Variants in CA8 observed in about 807,000 individuals in gnomAD.
CA8 encodes the protein carbonic anhydrase-related protein.
In CA8, 22 loss-of-function variants were observed where a neutral mutation model predicts 41.4. That is an observed-to-expected ratio of 0.53 (90% CI 0.38 to 0.76). CA8 has a LOEUF of 0.76. Among genes scored for constraint, CA8 ranks in the 30% least tolerant of loss-of-function variants. The pLI is 0.00. For synonymous variants in CA8, 121 were observed against 130.6 expected (o/e 0.93, Z 0.50); for missense variants, 270 against 352.8 (o/e 0.77, Z 1.88).
At chr8:60,235,975 T>C (rs1563361259) in intron 3 of CA8, among the ~76,000 whole-genome samples, 1 of 152,194 alleles carries the variant, frequency 6.6e-6, no homozygotes, top group Non-Finnish European at 1.5e-5. Flanking sequence ...GCTAGGAGGA[T>C]ACCACAAAAG....
At chr8:60,277,561 G>A (rs547235624) in intron 2 of CA8, among the ~76,000 whole-genome samples, 1 of 152,056 alleles carries the variant, frequency 6.6e-6, no homozygotes, top group Non-Finnish European at 1.5e-5. Context: ...CACCATGTTG[G>A]TCAGGCTGGT....
chr8:60,254,418 T>C (rs1808553107), intron 3 of CA8, among the ~76,000 whole-genome samples: 1 of 152,198 alleles, frequency 6.6e-6, no homozygotes, highest in African/African-American at 2.4e-5. Context: ...TGTAGACCCC[T>C]TTAATATAGT....
At chr8:60,195,791 C>A (rs1209617433) in intron 8 of CA8, among the ~76,000 whole-genome samples, 1 of 152,078 alleles carries the variant, frequency 6.6e-6, no homozygotes, top group Non-Finnish European at 1.5e-5. Context: ...AAAATAAATG[C>A]CCTTCCATTA....
chr8:60,199,721 T>C (rs1447665130), intron 8 of CA8, among the ~76,000 whole-genome samples: 2 of 152,156 alleles, frequency 1.3e-5, no homozygotes, highest in African/African-American at 4.8e-5. Flanking sequence ...AATCTGGGCA[T>C]TATCTAGTAC....
intron 7 of CA8, among the ~76,000 whole-genome samples, chr8:60,218,657 C>T (rs868029785): frequency 6.6e-6 from 1 of 152,132 alleles, no homozygotes; most frequent in South Asian, 2.1e-4. Context: ...ATAAAACATG[C>T]TGTATGTTAA....
chr8:60,203,293 A>G (rs557923443), intron 8 of CA8, among the ~76,000 whole-genome samples: 6 of 152,310 alleles, frequency 3.9e-5, no homozygotes, highest in African/African-American at 1.2e-4. Context: ...AGATGCTTAC[A>G]AATAGAAAAC....
chr8:60,248,110 C>A (rs1241203766), intron 3 of CA8, among the ~76,000 whole-genome samples: 1 of 148,518 alleles, frequency 6.7e-6, no homozygotes, highest in Non-Finnish European at 1.5e-5. Context: ...TTTTTTTTTA[C>A]CTTGTAAATT....
At chr8:60,223,283 A>G (rs1182624587) in intron 6 of CA8, among the ~76,000 whole-genome samples, 1 of 151,828 alleles carries the variant, frequency 6.6e-6, no homozygotes, top group Non-Finnish European at 1.5e-5. Flanking sequence ...ATCTGGCTTC[A>G]TAACCTGTAT....
Position 60,186,915 on chromosome 8 carries a change from T to C in CA8, c.*3106A>G, listed in dbSNP as rs1805982109. Among the ~76,000 whole-genome samples the C allele has an allele frequency of 1.3e-5, 2 of 152,070 alleles. No individual in the cohort carries two copies. The highest frequency in any genetic ancestry group is 2.1e-4 in the South Asian group (1 of 4,826). Reference sequence around the variant, plus strand: ...AGAATTCAATACACTACTTTCATAATAGACAGAAATAGGCATATCAACAAG... The same window carrying C: ...AGAATTCAATACACTACTTTCATAACAGACAGAAATAGGCATATCAACAAG... On this transcript the variant is annotated 3_prime_UTR_variant, in exon 9 of 9. Coordinates refer to ENST00000317995, the MANE Select transcript of CA8 (RefSeq NM_004056.6).
chr8:60,201,348 C>G (rs1471857875), intron 8 of CA8, among the ~76,000 whole-genome samples: 2 of 152,138 alleles, frequency 1.3e-5, no homozygotes, highest in Non-Finnish European at 2.9e-5. Flanking sequence ...GATGAGTTCA[C>G]CTACAGAGAC....
intron 7 of CA8, among the ~76,000 whole-genome samples, chr8:60,213,861 C>T (rs1287141234): frequency 2.6e-5 from 4 of 151,986 alleles, no homozygotes; most frequent in Non-Finnish European, 5.9e-5. Flanking sequence ...GCCCTTCACA[C>T]GCACCTTCAG....
chr8:60,250,446 C>T (rs892602301), intron 3 of CA8, among the ~76,000 whole-genome samples: 22 of 152,212 alleles, frequency 1.4e-4, no homozygotes, highest in Admixed American at 3.3e-4. Context: ...AAAAGCTCCT[C>T]TTTTCCCTGA....
At chr8:60,217,417 G>A (rs1359163823) in intron 7 of CA8, among the ~76,000 whole-genome samples, 2 of 152,050 alleles carry the variant, frequency 1.3e-5, no homozygotes, top group African/African-American at 4.8e-5. Context: ...CCTCTCCCAT[G>A]GCTTCTCTAA....
rs1803776207 is a variant in CA8 at position 60,262,799 on chromosome 8, T to G, written c.417+3126A>C. ...TCAGATTTACCAGATGAGAGCATGATAAGCAGTGTGTCAGATGGCTGTGGA... is the reference window on the plus strand; with the variant it reads ...TCAGATTTACCAGATGAGAGCATGAGAAGCAGTGTGTCAGATGGCTGTGGA... On this transcript the variant is annotated intron_variant, in intron 3 of 8. Transcript: ENST00000317995. 2.0e-5 allele frequency among the ~76,000 whole-genome samples: 3 copies of G among 152,262 alleles called. No homozygotes were observed. The South Asian group carries it at 6.2e-4, about 32-fold the overall frequency.
At chr8:60,258,456 A>G (rs1803621535) in intron 3 of CA8, among the ~76,000 whole-genome samples, 2 of 152,228 alleles carry the variant, frequency 1.3e-5, no homozygotes, top group South Asian at 4.1e-4. Context: ...GTACTACTGT[A>G]TCTTCTAAAG....
At chr8:60,269,410 C>G (rs1419080502) in intron 2 of CA8, among the ~76,000 whole-genome samples, 1 of 152,136 alleles carries the variant, frequency 6.6e-6, no homozygotes, top group Non-Finnish European at 1.5e-5. Flanking sequence ...TGATGACAGG[C>G]TGAATTTTTT....
At chr8:60,194,149 C>A (rs1316373216) in intron 8 of CA8, among the ~76,000 whole-genome samples, 2 of 152,126 alleles carry the variant, frequency 1.3e-5, no homozygotes, top group Non-Finnish European at 2.9e-5. Flanking sequence ...CCTTACCTCT[C>A]CAAATATATG....
intron 7 of CA8, among the ~76,000 whole-genome samples, chr8:60,210,992 C>A (rs1806815810): frequency 6.6e-6 from 1 of 152,122 alleles, no homozygotes; most frequent in Admixed American, 6.5e-5. Flanking sequence ...GTGAGAGAAT[C>A]TTATGCTTTT....
chr8:60,237,006 C>T (rs1807851871), intron 3 of CA8, among the ~76,000 whole-genome samples: 1 of 152,190 alleles, frequency 6.6e-6, no homozygotes. Context: ...AGACTCACTT[C>T]AAAGCCTAAC....
Sources: gnomAD v4.1 joint callset for allele counts (sites outside exome capture counted in the v4.1 genomes callset) on GRCh38, gnomAD v4.1.1 for gene constraint, MANE v1.5 for transcripts, NCBI Gene and HGNC (gene_info 2026-07-23, HGNC 2026-07-21) for gene names.